The following NDST3 variants were observed in gnomAD, a reference collection of about 807,000 sequenced individuals.
The protein encoded by NDST3 is bifunctional heparan sulfate N-deacetylase/N-sulfotransferase 3.
In NDST3, 58 loss-of-function variants were observed where a neutral mutation model predicts 96.1. The observed-to-expected ratio is 0.60, with a 90% CI of 0.49 to 0.75. The LOEUF is 0.75. Ranked by LOEUF, NDST3 falls within the 30% of genes least tolerant of loss-of-function variation. The pLI is 0.00. For missense variants in NDST3, 788 were observed against 1,034.2 expected, an observed-to-expected ratio of 0.76 and a Z score of 3.27; for synonymous variants, 333 against 359.7, an observed-to-expected ratio of 0.93 and a Z score of 0.84.
At chr4:118,128,195 G>A (rs1232443010) in intron 4 of NDST3, among the ~76,000 whole-genome samples, 2 of 151,856 alleles carry the variant, frequency 1.3e-5, no homozygotes, top group Non-Finnish European at 2.9e-5. Context: ...TTTTCTGATT[G>A]CTCTAGCTAC....
At chr4:118,250,015 T>C (rs1253953853) in intron 12 of NDST3, among the ~76,000 whole-genome samples, 1 of 152,228 alleles carries the variant, frequency 6.6e-6, no homozygotes. Flanking sequence ...GAGTTTCCTC[T>C]ATGTTGCTAC....
chr4:118,113,060 A>C (rs1730774851), intron 3 of NDST3, among the ~76,000 whole-genome samples: 1 of 152,188 alleles, frequency 6.6e-6, no homozygotes, highest in Admixed American at 6.5e-5. Context: ...GAAATACAGG[A>C]GGAAAAGAAA....
chr4:118,230,205 C>T (rs1433491631), intron 8 of NDST3, among the ~76,000 whole-genome samples: 1 of 152,118 alleles, frequency 6.6e-6, no homozygotes, highest in Non-Finnish European at 1.5e-5. Flanking sequence ...TTAGATATTG[C>T]TTCATAGTTA....
chr4:118,215,965 A>C (rs1371211764), intron 6 of NDST3, among the ~76,000 whole-genome samples: 3 of 152,104 alleles, frequency 2.0e-5, no homozygotes, highest in African/African-American at 7.2e-5. Context: ...GCAAGGTGAC[A>C]ATGAATAAAT....
intron 1 of NDST3, among the ~76,000 whole-genome samples, chr4:118,035,731 C>T (rs1359078296): frequency 6.6e-6 from 1 of 151,728 alleles, no homozygotes; most frequent in African/African-American, 2.4e-5. Context: ...CAGTATCTAC[C>T]ATTTCTAATT....
chr4:118,104,038 A>G (rs572955595), intron 2 of NDST3, among the ~76,000 whole-genome samples: 10 of 152,304 alleles, frequency 6.6e-5, no homozygotes, highest in Middle Eastern at 3.4e-3. Flanking sequence ...TGGGACCATA[A>G]ACATGATGAG....
intron 4 of NDST3, among the ~76,000 whole-genome samples, chr4:118,128,985 T>C (rs924739068): frequency 6.6e-6 from 1 of 152,086 alleles, no homozygotes; most frequent in Non-Finnish European, 1.5e-5. Flanking sequence ...TAGTTGCTGA[T>C]AGTAGCCACT....
intron 12 of NDST3, among the ~76,000 whole-genome samples, chr4:118,252,857 C>CTCCA (rs1741840767): frequency 6.6e-6 from 1 of 152,074 alleles, no homozygotes. Context: ...CGCCATTGCA[C>CTCCA]TCCAGCCTGG....
In NDST3 at chr4:118,158,068, G is replaced by A. The variant is rs374110673; in HGVS notation, c.1539+14384G>A. On this transcript the variant is annotated intron_variant, in intron 6 of 13. Transcript: ENST00000296499. Reference sequence around the variant, plus strand: ...GGGAACTGAGTTTTCGCCATAAAACGAATAAAAATATGGAAAGAAGGATAA... The same window carrying A: ...GGGAACTGAGTTTTCGCCATAAAACAAATAAAAATATGGAAAGAAGGATAA... Among the ~76,000 whole-genome samples the A allele has an allele frequency of 5.9e-5, 9 of 152,066 alleles. No homozygotes were observed. The East Asian group carries it at 9.7e-4, about 16-fold the overall frequency.
chr4:118,055,184 C>G (rs1230509464), intron 2 of NDST3: 1 of 359,684 alleles, frequency 2.8e-6, no homozygotes, highest in Non-Finnish European at 5.1e-6. Flanking sequence ...TTTCCAGAAA[C>G]TATCTACCTC....
chr4:118,147,916 T>C (rs893491207), intron 6 of NDST3, among the ~76,000 whole-genome samples: 6 of 152,194 alleles, frequency 3.9e-5, no homozygotes, highest in African/African-American at 1.4e-4. Context: ...ACTATAGATA[T>C]AGAACACTTT....
At chr4:118,238,380 AAT>A (rs1037683506) in intron 10 of NDST3, among the ~76,000 whole-genome samples, 1 of 152,188 alleles carries the variant, frequency 6.6e-6, no homozygotes, top group Non-Finnish European at 1.5e-5. Context: ...CTCTAGTAAT[AAT>A]ATATATGTCA....
intron 13 of NDST3, among the ~76,000 whole-genome samples, chr4:118,254,013 G>C (rs952346416): frequency 6.6e-6 from 1 of 152,126 alleles, no homozygotes; most frequent in Non-Finnish European, 1.5e-5. Flanking sequence ...GGCCGACGTG[G>C]GTGGATCACT....
At chr4:118,224,729 G>T in intron 7 of NDST3, 56 bp downstream of exon 7, 1 of 1,415,486 alleles carries the variant, frequency 7.1e-7, no homozygotes, top group Non-Finnish European at 9.4e-7. Context: ...ATAATTCTGT[G>T]AGATATCCCA....
At chr4:118,078,805 A>T (rs1185461823) in intron 2 of NDST3, among the ~76,000 whole-genome samples, 1 of 152,024 alleles carries the variant, frequency 6.6e-6, no homozygotes, top group Non-Finnish European at 1.5e-5. Flanking sequence ...CATTTAAGTA[A>T]CCCTAGGCAA....
chr4:118,202,146 T>C (rs1027680348), intron 6 of NDST3, among the ~76,000 whole-genome samples: 47 of 152,330 alleles, frequency 3.1e-4, no homozygotes, highest in African/African-American at 1.1e-3. Context: ...TTTGTCTTTG[T>C]CTGTTTCTGT....
intron 6 of NDST3, among the ~76,000 whole-genome samples, chr4:118,153,224 G>C (rs1734514305): frequency 6.6e-6 from 1 of 152,166 alleles, no homozygotes; most frequent in African/African-American, 2.4e-5. Context: ...AGCTCTCTTA[G>C]ATGGGACCAG....
rs1725284639 is a variant in NDST3 at position 118,054,521 on chromosome 4, T to A, written c.611T>A (p.Val204Glu). The A allele has an allele frequency of 6.2e-7, 1 of 1,613,348 alleles. No homozygotes were observed. The highest frequency in any genetic ancestry group is 2.2e-5 in the East Asian group (1 of 44,842). Residue 204 changes from valine to glutamate, a missense_variant, in exon 2 of 14, where the codon GTG becomes GAG. By Grantham distance (121) the Val-to-Glu change is moderately radical. Around this residue, in one of 3 missense-constraint regions of NDST3, gnomAD observed 234 missense variants for 256.9 expected, o/e 0.91. Transcript: ENST00000296499. ...AATCCTCATTCTCCATTGATTCGTG[T>A]GACCAAATCTTCCAAGCTTGAAAAA... ...CINPHSPLIR[V>E]TKSSKLEKGS...
intron 2 of NDST3, among the ~76,000 whole-genome samples, chr4:118,081,553 AT>A (rs1314626579): frequency 1.3e-5 from 2 of 152,094 alleles, no homozygotes; most frequent in African/African-American, 2.4e-5. Flanking sequence ...AACAGGAGGG[AT>A]TTCTTACACT....
Sources: gnomAD v4.1 joint callset for allele counts (sites outside exome capture counted in the v4.1 genomes callset) on GRCh38, gnomAD v4.1.1 for gene constraint, gnomAD v4.1.1 regional missense constraint, MANE v1.5 for transcripts, NCBI Gene and HGNC (gene_info 2026-07-23, HGNC 2026-07-21) for gene names.